HIVEP3: variants seen among roughly 807,000 people sequenced by gnomAD.
HIVEP3 encodes the protein HIVEP zinc finger 3, also known as transcription factor HIVEP3.
HIVEP3 carries 49 observed loss-of-function variants against 152.8 expected under a neutral mutation model. That is an observed-to-expected ratio of 0.32 (90% CI 0.26 to 0.41). The LOEUF is 0.41. HIVEP3 is among the 10% of genes least tolerant of loss of function. The pLI is 1.00. For missense variants in HIVEP3, 2,790 were observed against 3,103.3 expected (o/e 0.90, Z 2.40); for synonymous variants, 1,269 against 1,289.0 (o/e 0.98, Z 0.33).
chr1:41,536,455 A>T (rs1643403266), intron 5 of HIVEP3, among the ~76,000 whole-genome samples: 1 of 152,342 alleles, frequency 6.6e-6, no homozygotes, highest in Admixed American at 6.5e-5. Context: ...TATTTGTTCC[A>T]GTAAATATAA....
intron 1 of HIVEP3, among the ~76,000 whole-genome samples, chr1:41,841,117 C>CCGGCCGTG (rs2124369394): frequency 6.6e-6 from 1 of 152,256 alleles, no homozygotes; most frequent in East Asian, 1.9e-4. Flanking sequence ...AACAACAAAG[C>CCGGCCGTG]CAGCCCTGCG....
intron 1 of HIVEP3, among the ~76,000 whole-genome samples, chr1:41,850,425 A>G (rs1643564536): frequency 6.6e-6 from 1 of 152,236 alleles, no homozygotes; most frequent in Admixed American, 6.5e-5. Flanking sequence ...ACTTAATATA[A>G]TATTAATTAA....
chr1:41,762,080 G>C (rs1647722334), intron 1 of HIVEP3, among the ~76,000 whole-genome samples: 1 of 152,092 alleles, frequency 6.6e-6, no homozygotes, highest in Admixed American at 6.6e-5. Context: ...TCACCTTTGA[G>C]TGGTGCCTTT....
At chr1:41,615,932 T>A (rs1644962494) in intron 3 of HIVEP3, among the ~76,000 whole-genome samples, 2 of 151,034 alleles carry the variant, frequency 1.3e-5, no homozygotes, top group South Asian at 4.2e-4. Context: ...TTATATTTGT[T>A]AAATATATTA....
intron 1 of HIVEP3, among the ~76,000 whole-genome samples, chr1:41,720,666 C>A (rs1004295292): frequency 1.3e-5 from 2 of 152,186 alleles, no homozygotes; most frequent in Non-Finnish European, 2.9e-5. Context: ...AAAAATAGAA[C>A]TACCATATGA....
At chr1:41,729,660 C>G (rs1014420378) in intron 1 of HIVEP3, among the ~76,000 whole-genome samples, 2 of 152,172 alleles carry the variant, frequency 1.3e-5, no homozygotes, top group Non-Finnish European at 2.9e-5. Flanking sequence ...GGGCCCTGAC[C>G]GAGGCCACCA....
Position 41,544,945 on chromosome 1 carries a change from C to CCA in HIVEP3, c.5208-20036_5208-20035insTG, listed in dbSNP as rs1558046912. Among the ~76,000 whole-genome samples, 4 of 9,372 alleles carry CCA rather than the reference C, an allele frequency of 4.3e-4. 1 individual carries two copies. The highest frequency in any genetic ancestry group is 1.9e-3 in the African/African-American group (3 of 1,556). The allele number at this position is 9,372 out of a possible 152,430, so 6.1% of individuals were successfully genotyped here. ...ACCACCACCATCACCACCACCACCA[C>CCA]TACCACCTCTACCATCACCACCACC... is the stretch of plus-strand genomic sequence containing the variant. On this transcript the variant is annotated intron_variant, in intron 5 of 8. Coordinates refer to ENST00000372583, the MANE Select transcript of HIVEP3 (RefSeq NM_024503.5).
At chr1:41,554,945 G>C (rs1468825410) in intron 5 of HIVEP3, among the ~76,000 whole-genome samples, 1 of 152,198 alleles carries the variant, frequency 6.6e-6, no homozygotes. Context: ...GGCTACACGG[G>C]GGTCAAGAAC....
chr1:42,018,674 C>T (rs1645537105), intron 1 of HIVEP3, among the ~76,000 whole-genome samples: 2 of 152,150 alleles, frequency 1.3e-5, no homozygotes, highest in African/African-American at 4.8e-5. Flanking sequence ...AAAAGCTCAC[C>T]CTATCCTACC....
intron 1 of HIVEP3, among the ~76,000 whole-genome samples, chr1:41,979,311 C>A (rs1047012940): frequency 6.6e-6 from 1 of 152,166 alleles, no homozygotes; most frequent in Non-Finnish European, 1.5e-5. Context: ...GTTTCTTCTG[C>A]CTTCTGTATG....
chr1:41,816,586 T>C (rs923663405), intron 1 of HIVEP3, among the ~76,000 whole-genome samples: 22 of 151,974 alleles, frequency 1.4e-4, no homozygotes, highest in Non-Finnish European at 1.5e-5. Context: ...GGCTGAGACA[T>C]GAGGATTGCT....
At chr1:41,787,798 A>G (rs967917588) in intron 1 of HIVEP3, among the ~76,000 whole-genome samples, 1 of 151,936 alleles carries the variant, frequency 6.6e-6, no homozygotes, top group African/African-American at 2.4e-5. Flanking sequence ...ACCTACTAAG[A>G]TGCTACAATT....
intron 1 of HIVEP3, among the ~76,000 whole-genome samples, chr1:41,704,378 G>A (rs1320846369): frequency 8.5e-5 from 13 of 152,344 alleles, no homozygotes; most frequent in South Asian, 8.3e-4. Flanking sequence ...CTGTGGAGGC[G>A]AGACAGCTGC....
chr1:41,548,491 T>C (rs1013474540), intron 5 of HIVEP3, among the ~76,000 whole-genome samples: 6 of 152,162 alleles, frequency 3.9e-5, no homozygotes, highest in Non-Finnish European at 7.3e-5. Context: ...TTTAAAATTG[T>C]GGTAACAAAT....
chr1:41,789,338 A>G (rs1330076855), intron 1 of HIVEP3, among the ~76,000 whole-genome samples: 1 of 152,206 alleles, frequency 6.6e-6, no homozygotes, highest in African/African-American at 2.4e-5. Context: ...CTGCCTCACA[A>G]AGTGACTGAG....
intron 5 of HIVEP3, among the ~76,000 whole-genome samples, chr1:41,571,487 T>G (rs1352294679): frequency 6.6e-6 from 1 of 152,026 alleles, no homozygotes; most frequent in Non-Finnish European, 1.5e-5. Flanking sequence ...GGTGTGGAAG[T>G]GATGGGGAAT....
chr1:41,601,250 T>C (rs1352620254), intron 3 of HIVEP3, among the ~76,000 whole-genome samples: 5 of 152,202 alleles, frequency 3.3e-5, no homozygotes, highest in East Asian at 1.9e-4. Flanking sequence ...TGTGGTTCCA[T>C]ATAAATCACA....
intron 1 of HIVEP3, among the ~76,000 whole-genome samples, chr1:41,708,599 G>T (rs1434055812): frequency 6.6e-6 from 1 of 152,152 alleles, no homozygotes. Context: ...CCTTTTCTGA[G>T]TCTGCTTCTT....
At chr1:41,787,802 T>C (rs865870267) in intron 1 of HIVEP3, among the ~76,000 whole-genome samples, 19 of 152,222 alleles carry the variant, frequency 1.2e-4, no homozygotes, top group African/African-American at 3.9e-4. Flanking sequence ...ACTAAGATGC[T>C]ACAATTACAG....
Sources: gnomAD v4.1 joint callset for allele counts (sites outside exome capture counted in the v4.1 genomes callset) on GRCh38, gnomAD v4.1.1 for gene constraint, MANE v1.5 for transcripts, NCBI Gene and HGNC (gene_info 2026-07-23, HGNC 2026-07-21) for gene names.